Variants in LYAR observed in about 807,000 individuals in gnomAD.
LYAR encodes Ly1 antibody reactive.
LYAR carries 37 observed loss-of-function variants against 45.2 expected under a neutral mutation model. That is an observed-to-expected ratio of 0.82 (90% CI 0.63 to 1.08). The LOEUF (loss-of-function observed/expected upper bound fraction) is 1.08. Among genes scored for constraint, LYAR ranks in the 50% least tolerant of loss-of-function variants. The pLI is 0.00. For synonymous variants in LYAR, 176 were observed against 155.1 expected (o/e 1.14, Z -1.00); for missense variants, 493 against 451.0 (o/e 1.09, Z -0.84).
Position 4,279,541 on chromosome 4 carries a change from G to C in LYAR, c.346-11C>G, listed in dbSNP as rs1215558974. The C allele has an allele frequency of 6.3e-7, 1 of 1,595,016 alleles. No individual in the cohort carries two copies. The highest frequency in any genetic ancestry group is 1.3e-5 in the African/African-American group (1 of 74,376). On this transcript the variant is annotated splice_polypyrimidine_tract_variant and intron_variant, in intron 5 of 9. Transcript: ENST00000343470. ...GTTCTTCATCCAATTCTGTAAGAAA[G>C]AAAAAGAAAAAGAACTATTGATCCC...
At chr4:4,281,360 A>G (rs369532943) in intron 4 of LYAR, among the ~76,000 whole-genome samples, 80 of 151,806 alleles carry the variant, frequency 5.3e-4, no homozygotes, top group African/African-American at 1.9e-3. Context: ...TTTGAGACGG[A>G]GTCTCACTCT....
rs752728635 is a variant in LYAR at position 4,281,763 on chromosome 4, A to G, written c.237+20T>C. The G allele has an allele frequency of 3.2e-6, 5 of 1,571,156 alleles. No homozygotes were observed. Among genetic ancestry groups the G allele is most frequent in the East Asian group, 4.5e-5 (2 of 44,674 alleles). ...GGAAGCTGTCAGAGGAAGCTACTCA[A>G]TGAGTTAGAGAGACGTTACCTGAAT... On this transcript the variant is annotated intron_variant, in intron 4 of 9. Transcript: ENST00000343470.
chr4:4,285,842 AG>A (rs1405091664), intron 2 of LYAR, among the ~76,000 whole-genome samples: 1 of 152,184 alleles, frequency 6.6e-6, no homozygotes, highest in Non-Finnish European at 1.5e-5. Context: ...AGGCCTAGGA[AG>A]GAAGCTGGAA....
chr4:4,273,358 G>C (rs1719018775), intron 8 of LYAR, among the ~76,000 whole-genome samples: 1 of 152,144 alleles, frequency 6.6e-6, no homozygotes, highest in Non-Finnish European at 1.5e-5. Context: ...TCCTTCCCCA[G>C]AAGGGGGCAT....
rs185423080 is a variant in LYAR, at chr4:4,287,478, A to G, written c.-107-906T>C. The stretch of plus-strand genomic sequence containing the variant: ...TCATCACATGCCATACCCATGAAAA[A>G]GATGACGGGGTCTGCACCATAGAAC... On this transcript the variant is annotated intron_variant, in intron 1 of 9. Coordinates refer to ENST00000343470, the MANE Select transcript of LYAR (RefSeq NM_017816.3). Among the ~76,000 whole-genome samples, 86 of 152,338 alleles carry G rather than the reference A, an allele frequency of 5.6e-4. 1 individual carries two copies. The highest frequency in any genetic ancestry group is 1.8e-3 in the African/African-American group (76 of 41,574).
chr4:4,274,457 T>A lies in LYAR; in HGVS notation c.742A>T (p.Arg248Trp). The A allele has an allele frequency of 1.2e-6, 2 of 1,614,166 alleles. No homozygotes were observed. Among genetic ancestry groups the A allele is most frequent in the Admixed American group, 1.7e-5 (1 of 60,016 alleles). Reference protein sequence around the residue: ...VPEANGSAGKRSKKKKQRKDS... With the variant: ...VPEANGSAGKWSKKKKQRKDS... Reference sequence around the variant, plus strand: ...TTGCGCTGCTTCTTCTTCTTGCTCCTCTTCCCTGCAGAGCCATTGGCCTCA... The same window carrying A: ...TTGCGCTGCTTCTTCTTCTTGCTCCACTTCCCTGCAGAGCCATTGGCCTCA... The change falls in exon 7 of 10, where the codon AGG becomes TGG. Residue 248 changes from arginine (R) to tryptophan (W), a missense_variant. Physicochemically the swap from Arg to Trp is moderately radical, Grantham distance 101. Coordinates refer to ENST00000343470, the MANE Select transcript of LYAR (RefSeq NM_017816.3).
In LYAR at chr4:4,279,753, CA is replaced by C; in HGVS notation, c.238-5del. 1 of 1,558,740 alleles carries C rather than the reference CA, an allele frequency of 6.4e-7. No individual in the cohort carries two copies. The highest frequency in any genetic ancestry group is 8.8e-7 in the Non-Finnish European group (1 of 1,142,530). ...TCTTTATTAATTCACTAATTTTCTA[CA>C]AAAAGGGAAGAAAAAAGAAAAACTA... On this transcript the variant is annotated splice_region_variant and splice_polypyrimidine_tract_variant and intron_variant, in intron 4 of 9. Coordinates refer to ENST00000343470, the MANE Select transcript of LYAR (RefSeq NM_017816.3).
chr4:4,289,720 T>A (rs554583987), intron 1 of LYAR: 4 of 152,334 alleles, frequency 2.6e-5, no homozygotes, highest in Non-Finnish European at 4.4e-5. Context: ...GGGACTGATC[T>A]CCCAAGGCTC....
rs115375884 is a variant in LYAR at position 4,280,823 on chromosome 4, G to A, written c.237+960C>T. ...GCTAGTTAATGTCTGAAAAATTCAC[G>A]TTCCAACTCTATTATCAAATGGAAC... is the stretch of plus-strand genomic sequence containing the variant. On this transcript the variant is annotated intron_variant, in intron 4 of 9. Coordinates refer to ENST00000343470, the MANE Select transcript of LYAR (RefSeq NM_017816.3). Among the ~76,000 whole-genome samples, 799 of 152,266 alleles carry A rather than the reference G, an allele frequency of 5.2e-3. 10 individuals are homozygous for A. Among genetic ancestry groups the A allele is most frequent in the African/African-American group, 0.018 (762 of 41,542 alleles).
intron 8 of LYAR, 34 bp from the exon 9 acceptor site, chr4:4,268,649 G>A (rs557399257): frequency 6.1e-5 from 87 of 1,417,238 alleles, no homozygotes; most frequent in Admixed American, 1.3e-4. Flanking sequence ...AAGACATTTC[G>A]TTTTGTTGTA....
rs1288610775 is a variant in LYAR at position 4,286,504 on chromosome 4, A to C, written c.-54+15T>G. On this transcript the variant is annotated intron_variant, in intron 2 of 9. Transcript: ENST00000343470. ...AACATTGCCTAAAACAAAAATGTAA[A>C]TACTACAAACTTACAAAAAGCCGTC... The C allele has an allele frequency of 6.6e-6, 1 of 152,208 alleles. No individual in the cohort carries two copies. Among genetic ancestry groups the C allele is most frequent in the East Asian group, 1.9e-4 (1 of 5,202 alleles). 9.4% of individuals were successfully genotyped at this position (152,208 alleles called of 1,614,324 possible).
At chr4:4,277,454 C>T (rs1194378089) in intron 6 of LYAR, among the ~76,000 whole-genome samples, 1 of 152,168 alleles carries the variant, frequency 6.6e-6, no homozygotes, top group Non-Finnish European at 1.5e-5. Context: ...ACCAACTCCT[C>T]GGCCACAGGG....
chr4:4,274,897 T>C (rs1719118674), intron 6 of LYAR, 128 bp from the exon 7 acceptor site: 2 of 849,542 alleles, frequency 2.4e-6, no homozygotes, highest in Non-Finnish European at 3.6e-6. Context: ...CTTATCGTTT[T>C]ATAACTGTGA....
intron 4 of LYAR, among the ~76,000 whole-genome samples, chr4:4,281,434 C>G (rs772304478): frequency 3.3e-5 from 5 of 151,954 alleles, no homozygotes; most frequent in Non-Finnish European, 1.5e-5. Flanking sequence ...ATTCTCCTGC[C>G]TCAGCCTCCT....
Position 4,283,790 on chromosome 4 carries a change from C to A in LYAR, c.-48G>T. On this transcript the variant is annotated 5_prime_UTR_variant, in exon 3 of 10. Coordinates refer to ENST00000343470, the MANE Select transcript of LYAR (RefSeq NM_017816.3). ...TCTCTATCCAAGACAGGTTTTAAGT[C>A]TTGTCCTAAGGAAAAAAAGACAATT... 3 of 1,491,812 alleles carry A rather than the reference C, an allele frequency of 2.0e-6. No homozygotes were observed. Among genetic ancestry groups the A allele is most frequent in the South Asian group, 2.5e-5 (2 of 78,554 alleles). 92.4% of individuals were successfully genotyped at this position (1,491,812 alleles called of 1,614,324 possible).
intron 8 of LYAR, among the ~76,000 whole-genome samples, 154 bp downstream of exon 8, chr4:4,273,429 C>A (rs577736858): frequency 5.5e-4 from 83 of 152,164 alleles, no homozygotes; most frequent in Non-Finnish European, 1.0e-3. Context: ...TTTTCTCTCT[C>A]TCTCGCTTTT....
chr4:4,280,279 A>T (rs1448885249), intron 4 of LYAR, among the ~76,000 whole-genome samples: 1 of 152,192 alleles, frequency 6.6e-6, no homozygotes, highest in Non-Finnish European at 1.5e-5. Context: ...GACACAAATA[A>T]ATGAAAAACA....
intron 3 of LYAR, 52 bp from the exon 4 acceptor site, chr4:4,281,949 G>A (rs2272738): frequency 0.27 from 299,279 of 1,121,186 alleles, 42,408 homozygotes; most frequent in Admixed American, 0.31. Flanking sequence ...AGTTGGAGGC[G>A]CTAATACCAG....
Position 4,274,443 on chromosome 4 carries a change from C to T in LYAR, c.756G>A (p.Lys252=). ...CACTGGCGCTGTCCTTGCGCTGCTT[C>T]TTCTTCTTGCTCCTCTTCCCTGCAG... ...NGSAGKRSKK[K]KQRKDSASEE... is the part of the protein sequence containing the mutation. The change falls in exon 7 of 10, where the codon AAG becomes AAA. Residue 252 remains lysine (K), a synonymous_variant. Coordinates refer to ENST00000343470, the MANE Select transcript of LYAR (RefSeq NM_017816.3). The T allele has an allele frequency of 1.9e-6, 3 of 1,614,036 alleles. No individual in the cohort carries two copies. The highest frequency in any genetic ancestry group is 2.5e-6 in the Non-Finnish European group (3 of 1,179,960).
Sources: allele counts gnomAD v4.1 joint callset (sites outside exome capture counted in the v4.1 genomes callset), GRCh38; gene constraint gnomAD v4.1.1; transcripts MANE v1.5; gene names NCBI Gene and HGNC (gene_info 2026-07-23, HGNC 2026-07-21).